Variants in FBXO38 observed in about 807,000 individuals in gnomAD.
The protein encoded by FBXO38 is F-box only protein 38.
FBXO38 carries 53 observed loss-of-function variants against 131.9 expected under a neutral mutation model. That is an observed-to-expected ratio of 0.40 (90% CI 0.32 to 0.51). The LOEUF (loss-of-function observed/expected upper bound fraction) is 0.51, where lower values mean the gene tolerates loss of function less well. Among genes scored for constraint, FBXO38 ranks in the 20% least tolerant of loss-of-function variants. The probability of loss-of-function intolerance (pLI) is 0.53; values close to 1 mark genes in which losing one functional copy is unlikely to be tolerated. For missense variants in FBXO38, 1,076 were observed against 1,475.6 expected (o/e 0.73, Z 4.44); for synonymous variants, 452 against 505.6 (o/e 0.89, Z 1.42).
chr5:148,439,445 G>T (rs1224356845), intron 18 of FBXO38, among the ~76,000 whole-genome samples: 1 of 151,900 alleles, frequency 6.6e-6, no homozygotes, highest in African/African-American at 2.4e-5. Flanking sequence ...GATATAAATT[G>T]CCAAGTTCCC....
At position 148,410,473 on chromosome 5, in the gene FBXO38, GC is replaced by G. The variant is rs1395555970; in HGVS notation, c.963-160del. The G allele has an allele frequency of 2.6e-5, 21 of 807,428 alleles. No individual in the cohort carries two copies. In the African/African-American group the frequency reaches 3.2e-4, roughly 12 times the overall value. 50.0% of individuals were successfully genotyped at this position (807,428 alleles called of 1,614,324 possible). ...CAGCCATGTTCGTGAGGCCTCCCCAGCCATGTGGAACTGTGAGTCCATTAAA... is the reference window on the plus strand; with the variant it reads ...CAGCCATGTTCGTGAGGCCTCCCCAGCATGTGGAACTGTGAGTCCATTAAA... On this transcript the variant is annotated intron_variant, in intron 8 of 21. Transcript: ENST00000340253.
At position 148,442,815 on chromosome 5, in the gene FBXO38, A is replaced by G. The variant is rs1754768214; in HGVS notation, c.*668A>G. The G allele has an allele frequency of 6.6e-6, 1 of 152,234 alleles. No individual in the cohort carries two copies. The highest frequency in any genetic ancestry group is 2.4e-5 in the African/African-American group (1 of 41,460). The allele number at this position is 152,234 out of a possible 1,614,324, so 9.4% of individuals were successfully genotyped here. ...GTATATGCTTTATCTTGAATATAAA[A>G]TAAAAGTTTATTAAAAACTTTTCTC... On this transcript the variant is annotated 3_prime_UTR_variant, in exon 22 of 22. Transcript: ENST00000340253.
intron 12 of FBXO38, among the ~76,000 whole-genome samples, chr5:148,420,967 A>AT (rs556069655): frequency 3.5e-3 from 500 of 144,888 alleles, no homozygotes; most frequent in Middle Eastern, 0.011. Flanking sequence ...AAGAATTTTA[A>AT]TTTTTTTTTT....
intron 15 of FBXO38, chr5:148,430,865 T>G (rs1433162507): frequency 2.0e-5 from 3 of 152,234 alleles, no homozygotes; most frequent in Non-Finnish European, 4.4e-5. Flanking sequence ...CCTCACTGTA[T>G]AACAATTTAT....
rs764859757 is a variant in FBXO38 at position 148,425,634 on chromosome 5, C to T, written c.1851C>T (p.Asn617=). 2.6e-5 allele frequency: 42 copies of T among 1,613,938 alleles called. No individual in the cohort carries two copies. Among genetic ancestry groups the T allele is most frequent in the East Asian group, 4.5e-5 (2 of 44,882 alleles). ...LELQEVWIPK[N]GTRRYSEREE... ...TCCAAGAAGTCTGGATTCCTAAGAA[C>T]GGTACTCGGCGTTACTCTGAACGTG... The change falls in exon 14 of 22, where the codon AAC becomes AAT. Residue 617 remains asparagine, a synonymous_variant. Transcript: ENST00000340253.
At chr5:148,412,074 C>T (rs1752792576) in intron 9 of FBXO38, among the ~76,000 whole-genome samples, 1 of 152,064 alleles carries the variant, frequency 6.6e-6, no homozygotes, top group Middle Eastern at 3.2e-3. Flanking sequence ...TTTCTTTCTC[C>T]TCAACATATG....
intron 8 of FBXO38, 41 bp downstream of exon 8, chr5:148,409,258 A>T: frequency 1.5e-6 from 2 of 1,315,248 alleles, no homozygotes; most frequent in Non-Finnish European, 2.2e-6. Context: ...CTTTAGAAGT[A>T]ATTATGTTTT....
chr5:148,398,368 G>A (rs999187764), intron 2 of FBXO38, among the ~76,000 whole-genome samples: 7 of 151,752 alleles, frequency 4.6e-5, no homozygotes, highest in Non-Finnish European at 1.0e-4. Context: ...TGGAAAAGAG[G>A]AAGTTGTAAT....
At chr5:148,441,889 C>T (rs1469186465) in intron 21 of FBXO38, 80 bp from the exon 22 acceptor site, 2 of 1,238,674 alleles carry the variant, frequency 1.6e-6, no homozygotes, top group Non-Finnish European at 2.3e-6. Flanking sequence ...ATGGGACTGT[C>T]CTATGGACCA....
chr5:148,432,959 C>CTA (rs1255211829), intron 15 of FBXO38, among the ~76,000 whole-genome samples: 1 of 152,172 alleles, frequency 6.6e-6, no homozygotes, highest in Non-Finnish European at 1.5e-5. Flanking sequence ...GGAGCTAGAG[C>CTA]AATTGATGAC....
At chr5:148,400,431 CACT>C (rs1173889540) in intron 3 of FBXO38, among the ~76,000 whole-genome samples, 4 of 152,116 alleles carry the variant, frequency 2.6e-5, no homozygotes, top group Admixed American at 1.3e-4. Flanking sequence ...CCATTAACAT[CACT>C]ACCACTTACC....
intron 12 of FBXO38, among the ~76,000 whole-genome samples, chr5:148,422,132 C>T (rs1326466987): frequency 6.6e-6 from 1 of 151,936 alleles, no homozygotes; most frequent in East Asian, 1.9e-4. Flanking sequence ...TTATAGCAAC[C>T]AGGGCAGTCT....
At position 148,442,450 on chromosome 5, in the gene FBXO38, AT is replaced by A. The variant is rs1235281113; in HGVS notation, c.*309del. The A allele has an allele frequency of 1.8e-4, 34 of 192,608 alleles. No individual in the cohort carries two copies. Among genetic ancestry groups the A allele is most frequent in the Non-Finnish European group, 3.1e-4 (29 of 95,022 alleles). 11.9% of individuals were successfully genotyped at this position (192,608 alleles called of 1,614,324 possible). On this transcript the variant is annotated 3_prime_UTR_variant, in exon 22 of 22. Coordinates refer to ENST00000340253, the MANE Select transcript of FBXO38 (RefSeq NM_205836.3). ...TTCTTGACTTAATTCATGAAGTATC[AT>A]TTTTTGACTGAGTCTCCATTTACTT...
At chr5:148,421,029 T>C (rs1252465851) in intron 12 of FBXO38, among the ~76,000 whole-genome samples, 1 of 151,858 alleles carries the variant, frequency 6.6e-6, no homozygotes, top group Non-Finnish European at 1.5e-5. Flanking sequence ...TGCAGTGGCA[T>C]GATCTTGGCT....
At position 148,402,103 on chromosome 5, in the gene FBXO38, T is replaced by A; in HGVS notation, c.384T>A (p.Ile128=). Residue 128 remains isoleucine (I), a synonymous_variant, in exon 4 of 22, where the codon ATT becomes ATA. Transcript: ENST00000340253. The part of the protein sequence containing the change: ...RRVRGHEAFS[I]PGVLEALQAC... ...TAAGGGGCCATGAGGCTTTTAGCAT[T>A]CCAGGAGTCCTAGAAGCTTTGCAGG... The A allele has an allele frequency of 8.1e-6, 13 of 1,613,494 alleles. No homozygotes were observed. The highest frequency in any genetic ancestry group is 1.1e-5 in the Non-Finnish European group (13 of 1,179,540).
chr5:148,389,121 G>A (rs1235239312), intron 1 of FBXO38, among the ~76,000 whole-genome samples: 1 of 152,154 alleles, frequency 6.6e-6, no homozygotes, highest in African/African-American at 2.4e-5. Flanking sequence ...CAGTTAGAAC[G>A]ACACCATATT....
At chr5:148,433,209 G>T in intron 15 of FBXO38, 1 of 466,318 alleles carries the variant, frequency 2.1e-6, no homozygotes, top group Middle Eastern at 4.8e-4. Context: ...CATGAGAAGG[G>T]TTGTTATGTT....
In FBXO38 at chr5:148,394,865, T is replaced by C. The variant is rs1758397649; in HGVS notation, c.89T>C (p.Met30Thr). 1 of 1,599,680 alleles carries C rather than the reference T, an allele frequency of 6.3e-7. No homozygotes were observed. Among genetic ancestry groups the C allele is most frequent in the East Asian group, 2.3e-5 (1 of 43,852 alleles). ...EMTADETKDY[M>T]NQLSHEVLCH... The stretch of plus-strand genomic sequence containing the variant: ...ACAGCAGATGAAACAAAGGACTATA[T>C]GAATCAACTTTCACATGAAGTACTT... The change falls in exon 2 of 22, where the codon ATG becomes ACG. Residue 30 changes from methionine (M) to threonine (T), a missense_variant. Coordinates refer to ENST00000340253, the MANE Select transcript of FBXO38 (RefSeq NM_205836.3).
intron 5 of FBXO38, among the ~76,000 whole-genome samples, chr5:148,403,074 C>T (rs1013450521): frequency 6.6e-6 from 1 of 152,076 alleles, no homozygotes; most frequent in Non-Finnish European, 1.5e-5. Context: ...GTAAAGATTT[C>T]TAGCAACCCT....
Sources: gnomAD v4.1 joint callset for allele counts (sites outside exome capture counted in the v4.1 genomes callset) on GRCh38, gnomAD v4.1.1 for gene constraint, MANE v1.5 for transcripts, NCBI Gene and HGNC (gene_info 2026-07-23, HGNC 2026-07-21) for gene names.